Variants in DHPS observed in about 807,000 individuals in gnomAD.
The protein encoded by DHPS is deoxyhypusine synthase.
Under a neutral mutation model 38.7 loss-of-function variants are expected in DHPS, and 24 were observed. The observed-to-expected ratio is 0.62, with a 90% CI of 0.45 to 0.87. The LOEUF (loss-of-function observed/expected upper bound fraction) is 0.87. DHPS is among the 40% of genes least tolerant of loss of function. DHPS has a pLI of 0.00. For synonymous variants in DHPS, 250 were observed against 204.4 expected (o/e 1.22, Z -1.90); for missense variants, 510 against 497.6 (o/e 1.02, Z -0.24).
chr19:12,681,602 T>C lies in DHPS; in HGVS notation c.165A>G (p.Gln55=), dbSNP rs370144601. The change falls in exon 1 of 9, where the codon CAA becomes CAG. Residue 55 remains glutamine (Q), a synonymous_variant. Coordinates refer to ENST00000210060, the MANE Select transcript of DHPS (RefSeq NM_001930.4). The part of the protein sequence containing the change: ...LLEAFGTTGF[Q]ATNFGRAVQQ... ...GTACAGCGCGCCCGAAGTTGGTTGC[T>C]TGGAAGCCGGTGGTGCCGAAGGCCT... The C allele has an allele frequency of 6.2e-7, 1 of 1,614,132 alleles. No individual in the cohort carries two copies. The highest frequency in any genetic ancestry group is 8.5e-7 in the Non-Finnish European group (1 of 1,180,042).
In DHPS at chr19:12,676,073, G is replaced by A. The variant is rs761951782; in HGVS notation, c.958C>T (p.Arg320Ter). The change falls in exon 8 of 9, where the codon CGA becomes TGA. Residue 320 changes from arginine to a stop codon, truncating the protein, a stop_gained. Transcript: ENST00000210060. LOFTEE classifies it high-confidence loss of function. The stretch of plus-strand genomic sequence containing the variant: ...CCCCAGGAGACAGCCTCGTCTGGTC[G>A]GGCACCTGAGTCAGAGCCATCAAAC... Reference protein sequence around the residue: ...QEFDGSDSGARPDEAVSWGKI... With the variant: ...QEFDGSDSGA 18 of 1,614,012 alleles carry A rather than the reference G, an allele frequency of 1.1e-5. No individual in the cohort carries two copies. The highest frequency in any genetic ancestry group is 1.4e-5 in the Non-Finnish European group (17 of 1,179,970).
downstream of DHPS, chr19:12,672,982 A>C: frequency 6.2e-7 from 1 of 1,603,854 alleles, no homozygotes; most frequent in Non-Finnish European, 8.5e-7. Flanking sequence ...CCCCACCCTC[A>C]CTCACCTACC....
At chr19:12,676,581 A>G (rs746768671) in intron 7 of DHPS, 20 of 217,522 alleles carry the variant, frequency 9.2e-5, no homozygotes, top group Non-Finnish European at 1.6e-4. Context: ...CAAAAGCCAA[A>G]GCCCCGCCTC....
intron 7 of DHPS, 144 bp from the exon 8 acceptor site, chr19:12,676,286 CA>C: frequency 4.7e-6 from 5 of 1,053,522 alleles, no homozygotes; most frequent in Non-Finnish European, 6.6e-6. Context: ...AGACAGGGCC[CA>C]TGTCAATGTC....
Position 12,679,811 on chromosome 19 carries a change from C to T in DHPS, c.484G>A (p.Gly162Arg), listed in dbSNP as rs758266512. 1.8e-5 allele frequency: 29 copies of T among 1,613,980 alleles called. No individual in the cohort carries two copies. The highest frequency in any genetic ancestry group is 3.3e-4 in the Middle Eastern group (2 of 6,082). Residue 162 changes from glycine to arginine, a missense_variant, in exon 3 of 9, where the codon GGG becomes AGG. Physicochemically the swap from Gly to Arg is moderately radical, Grantham distance 125 (BLOSUM62 -2). Transcript: ENST00000210060. ...SLRGKELREN[G>R]INRIGNLLVP... ...ACTCAGGGTTCTCACCTATTGATCC[C>T]GTTCTCCCGGAGCTCCTTCCCCCTG...
At chr19:12,680,353 G>T in intron 1 of DHPS, 28 bp from the exon 2 acceptor site, 1 of 1,613,112 alleles carries the variant, frequency 6.2e-7, no homozygotes, top group South Asian at 1.1e-5. Flanking sequence ...GTCAAGTTAA[G>T]CACTGGCCTT....
intron 1 of DHPS, 199 bp downstream of exon 1, chr19:12,681,361 G>C (rs1369175260): frequency 1.0e-6 from 1 of 976,234 alleles, no homozygotes; most frequent in South Asian, 1.7e-5. Context: ...TACCGTACCA[G>C]CATGTAACTA....
At chr19:12,678,311 A>G (rs1212503384) in intron 5 of DHPS, among the ~76,000 whole-genome samples, 3 of 151,968 alleles carry the variant, frequency 2.0e-5, no homozygotes, top group Non-Finnish European at 4.4e-5. Flanking sequence ...CATCTCTACA[A>G]AAACAATTAG....
rs371599922 is a variant in DHPS, at chr19:12,681,785, C to G, written c.-19G>C. 5.0e-6 allele frequency: 8 copies of G among 1,599,462 alleles called. No individual in the cohort carries two copies. The African/African-American group carries it at 9.4e-5, about 19-fold the overall frequency. ...CTTCCATGCGCCTATAGCCGGCTCT[C>G]GAGTCAAAGCTGCCCCTAGGCCGGG... On this transcript the variant is annotated 5_prime_UTR_variant, in exon 1 of 9. Coordinates refer to ENST00000210060, the MANE Select transcript of DHPS (RefSeq NM_001930.4).
chr19:12,681,115 C>T (rs995745329), intron 1 of DHPS: 4 of 1,273,950 alleles, frequency 3.1e-6, no homozygotes, highest in Non-Finnish European at 4.1e-6. Flanking sequence ...TATAGGCATG[C>T]GCCACCGCGC....
In DHPS at chr19:12,678,693, T is replaced by C. The variant is rs188908477; in HGVS notation, c.678+764A>G. ...GTGAGGCGGGAGAATCACTTGAACC[T>C]GGGAGGTGGAGGGTGCAGTGAGCTG... On this transcript the variant is annotated intron_variant, in intron 5 of 8. Transcript: ENST00000210060. 2.1e-4 allele frequency among the ~76,000 whole-genome samples: 27 copies of C among 127,692 alleles called. No individual in the cohort carries two copies. In the East Asian group the frequency reaches 6.5e-3, roughly 31 times the overall value. 83.8% of individuals were successfully genotyped at this position (127,692 alleles called of 152,430 possible).
At chr19:12,677,587 C>G (rs931417522) in intron 5 of DHPS, among the ~76,000 whole-genome samples, 191 bp from the exon 6 acceptor site, 6 of 152,120 alleles carry the variant, frequency 3.9e-5, no homozygotes, top group African/African-American at 1.4e-4. Flanking sequence ...AGTATAGTGC[C>G]TGGCACATAA....
chr19:12,676,969 T>A, intron 7 of DHPS, 139 bp downstream of exon 7: 2 of 732,882 alleles, frequency 2.7e-6, no homozygotes, highest in Non-Finnish European at 4.6e-6. Flanking sequence ...GTCACTTGTT[T>A]GCTATCTCCC....
At chr19:12,673,209 G>A (rs1423571311), downstream of DHPS, 1 of 1,614,024 alleles carries the variant, frequency 6.2e-7, no homozygotes, top group East Asian at 2.2e-5. Context: ...TAGGTACAAG[G>A]GCCATAAGAA....
At chr19:12,673,469 G>C (rs1166490718), downstream of DHPS, among the ~76,000 whole-genome samples, 1 of 144,494 alleles carries the variant, frequency 6.9e-6, no homozygotes, top group Non-Finnish European at 1.5e-5. Flanking sequence ...CCAGGCTAGA[G>C]TGCAGTGGCG....
Position 12,680,253 on chromosome 19 carries a change from G to GT in DHPS, c.279dup (p.Leu94ThrfsTer21), listed in dbSNP as rs1470777351. 2.5e-6 allele frequency: 4 copies of GT among 1,614,198 alleles called. No homozygotes were observed. The African/African-American group carries it at 5.3e-5, about 22-fold the overall frequency. On this transcript the variant is annotated frameshift_variant, in exon 2 of 9. Transcript: ENST00000210060. LOFTEE classifies it high-confidence loss of function. Reference sequence around the variant, plus strand: ...CCCAGGAAAATGGTGCAGCTGGTAAGTGGGCGGCGGCTCTGGGTCAGGTCC... The same window carrying GT: ...CCCAGGAAAATGGTGCAGCTGGTAAGTTGGGCGGCGGCTCTGGGTCAGGTCC...
At chr19:12,681,266 G>GC in intron 1 of DHPS, 3 of 1,296,056 alleles carry the variant, frequency 2.3e-6, no homozygotes, top group Non-Finnish European at 3.0e-6. Context: ...AATTTGTCTT[G>GC]CCCCAGGCTC....
Position 12,681,862 on chromosome 19 carries a change from A to T in DHPS, c.-96T>A. 1 of 1,095,592 alleles carries T rather than the reference A, an allele frequency of 9.1e-7. No individual in the cohort carries two copies. The highest frequency in any genetic ancestry group is 1.3e-6 in the Non-Finnish European group (1 of 756,354). 67.9% of individuals were successfully genotyped at this position (1,095,592 alleles called of 1,614,324 possible). ...ACCCCGACGCGCGCGTCTCCGCAAGAGCACAGGAAGTAGGGAACGTGCTTT... is the reference window on the plus strand; with the variant it reads ...ACCCCGACGCGCGCGTCTCCGCAAGTGCACAGGAAGTAGGGAACGTGCTTT... On this transcript the variant is annotated 5_prime_UTR_variant, in exon 1 of 9. Transcript: ENST00000210060.
chr19:12,679,410 T>C lies in DHPS; in HGVS notation c.678+47A>G, dbSNP rs765731284. ...AGGAGGCTGGAAAGATGAAATAAGT[T>C]AACACATGCCAAAGTCTGGCTACTT... On this transcript the variant is annotated intron_variant, in intron 5 of 8. Coordinates refer to ENST00000210060, the MANE Select transcript of DHPS (RefSeq NM_001930.4). 9 of 1,560,762 alleles carry C rather than the reference T, an allele frequency of 5.8e-6. No individual in the cohort carries two copies. The South Asian group carries it at 1.0e-4, about 17-fold the overall frequency.
Sources: allele counts gnomAD v4.1 joint callset (sites outside exome capture counted in the v4.1 genomes callset), GRCh38; gene constraint gnomAD v4.1.1; transcripts MANE v1.5; gene names NCBI Gene and HGNC (gene_info 2026-07-23, HGNC 2026-07-21).